Variants in NBEA observed in about 807,000 individuals in gnomAD.
The protein encoded by NBEA is lysosomal-trafficking regulator 2.
Under a neutral mutation model 343.4 loss-of-function variants are expected in NBEA, and 44 were observed. That is an observed-to-expected ratio of 0.13 (90% CI 0.10 to 0.16). The LOEUF (loss-of-function observed/expected upper bound fraction) is 0.16. Among genes scored for constraint, NBEA ranks in the 10% least tolerant of loss-of-function variants. The probability of loss-of-function intolerance (pLI) is 1.00; values close to 1 mark genes in which losing one functional copy is unlikely to be tolerated. For synonymous variants in NBEA, 1,175 were observed against 1,238.7 expected (o/e 0.95, Z 1.08); for missense variants, 2,555 against 3,631.3 (o/e 0.70, Z 7.62).
chr13:35,109,091 AT>A (rs1566297773), intron 11 of NBEA, among the ~76,000 whole-genome samples, 198 bp from the exon 12 acceptor site: 1 of 152,162 alleles, frequency 6.6e-6, no homozygotes, highest in Non-Finnish European at 1.5e-5. Context: ...CAGGCTTCAA[AT>A]AACAAGCTAT....
chr13:35,479,825 A>G (rs1286431400), intron 41 of NBEA, among the ~76,000 whole-genome samples: 4 of 152,094 alleles, frequency 2.6e-5, no homozygotes, highest in African/African-American at 7.2e-5. Context: ...GGATGTAAAT[A>G]CTTAATTGTT....
chr13:35,191,300 C>T (rs184868584), intron 30 of NBEA, among the ~76,000 whole-genome samples: 202 of 152,200 alleles, frequency 1.3e-3, no homozygotes, highest in African/African-American at 4.8e-3. Flanking sequence ...CTAAAAAGCT[C>T]AATGCACTCC....
rs141300031 is a variant in NBEA at position 35,433,373 on chromosome 13, A to G, written c.6304+980A>G. On this transcript the variant is annotated intron_variant, in intron 39 of 58. Transcript: ENST00000379939. ...TCTTCAATTACTTGTATTTTATTAT[A>G]TTAATTTTCTTTTATTTGGGAGTAC... is the stretch of plus-strand genomic sequence containing the variant. Among the ~76,000 whole-genome samples, 1,368 of 152,140 alleles carry G rather than the reference A, an allele frequency of 9.0e-3. 67 individuals are homozygous for G. The highest frequency in any genetic ancestry group is 0.078 in the Admixed American group (1,189 of 15,268).
intron 1 of NBEA, 125 bp downstream of exon 1, chr13:34,943,239 T>C (rs1370592101): frequency 7.7e-7 from 1 of 1,305,934 alleles, no homozygotes; most frequent in Admixed American, 1.9e-5. Context: ...GCGCAGAGCG[T>C]TCAGCCGGTA....
At chr13:35,527,189 A>T (rs1287594197) in intron 41 of NBEA, among the ~76,000 whole-genome samples, 2 of 152,068 alleles carry the variant, frequency 1.3e-5, no homozygotes, top group Non-Finnish European at 1.5e-5. Flanking sequence ...AGGTTATTTT[A>T]TGGGCTCAGA....
At chr13:35,043,705 T>C in intron 2 of NBEA, among the ~76,000 whole-genome samples, 1 of 152,020 alleles carries the variant, frequency 6.6e-6, no homozygotes, top group East Asian at 1.9e-4. Context: ...TATTTAATTA[T>C]TAATTGATTA....
intron 30 of NBEA, among the ~76,000 whole-genome samples, chr13:35,189,865 G>A (rs967748210): frequency 2.0e-5 from 3 of 151,956 alleles, no homozygotes; most frequent in Non-Finnish European, 4.4e-5. Flanking sequence ...CAACCCAGAG[G>A]CTGTTAATTC....
chr13:35,649,573 T>C, intron 51 of NBEA, 82 bp from the exon 52 acceptor site: 1 of 1,189,960 alleles, frequency 8.4e-7, no homozygotes, highest in South Asian at 1.4e-5. Context: ...CCTTGTCTGT[T>C]TAACCTCATT....
intron 10 of NBEA, among the ~76,000 whole-genome samples, chr13:35,097,162 G>A (rs1046822382): frequency 4.2e-4 from 64 of 151,756 alleles, no homozygotes; most frequent in Non-Finnish European, 7.1e-4. Flanking sequence ...AACAAAAGTA[G>A]CCACATTATG....
intron 36 of NBEA, among the ~76,000 whole-genome samples, chr13:35,343,998 T>G (rs1186076464): frequency 6.6e-6 from 1 of 152,078 alleles, no homozygotes; most frequent in Admixed American, 6.6e-5. Context: ...TAGTCCCTGG[T>G]GCCAAAAAGG....
rs117620224 is a variant in NBEA, at chr13:35,398,116, G to A, written c.6180-34153G>A. 2.4e-3 allele frequency among the ~76,000 whole-genome samples: 360 copies of A among 152,244 alleles called. 1 individual carries two copies. The highest frequency in any genetic ancestry group is 3.9e-3 in the Non-Finnish European group (263 of 68,000). On this transcript the variant is annotated intron_variant, in intron 38 of 58. Transcript: ENST00000379939. ...TGTTGTCATTTCAATAATGTTCACA[G>A]CATCTTCACCAGGAGGAAATTCCAT...
At position 35,159,603 on chromosome 13, in the gene NBEA, A is replaced by C. The variant is rs748920797; in HGVS notation, c.3432A>C (p.Thr1144=). 37 of 1,611,878 alleles carry C rather than the reference A, an allele frequency of 2.3e-5. No individual in the cohort carries two copies. The South Asian group carries it at 3.5e-4, about 15-fold the overall frequency. ...AAGAAGACCTTCCCAATAGTAGTAC[A>C]TCATTTCTCTTTGATAAAATACCCA... ...DEKEDLPNSS[T]SFLFDKIPKQ... Residue 1144 remains threonine (T), a synonymous_variant, in exon 22 of 59, where the codon ACA becomes ACC. Transcript: ENST00000379939.
chr13:35,131,434 A>C (rs2067421839), intron 17 of NBEA, among the ~76,000 whole-genome samples: 1 of 152,188 alleles, frequency 6.6e-6, no homozygotes. Context: ...CTATTTATTA[A>C]CAAAGGAGAA....
intron 1 of NBEA, among the ~76,000 whole-genome samples, chr13:34,976,673 G>T (rs1191677662): frequency 7.2e-4 from 98 of 136,852 alleles, no homozygotes; most frequent in Non-Finnish European, 9.6e-4. Flanking sequence ...TTTTTTTCAT[G>T]GAGCAGAGAC....
At position 34,978,593 on chromosome 13, in the gene NBEA, C is replaced by G. The variant is rs566897807; in HGVS notation, c.294+35479C>G. On this transcript the variant is annotated intron_variant, in intron 1 of 58. Transcript: ENST00000379939. ...AACATTATAGTCATCCCAGAGAGTTCCTCGTACTCCTTTCCAGTTAATCCC... is the reference window on the plus strand; with the variant it reads ...AACATTATAGTCATCCCAGAGAGTTGCTCGTACTCCTTTCCAGTTAATCCC... Among the ~76,000 whole-genome samples the G allele has an allele frequency of 5.3e-5, 8 of 152,238 alleles. No individual in the cohort carries two copies. The South Asian group carries it at 1.4e-3, about 28-fold the overall frequency.
intron 1 of NBEA, among the ~76,000 whole-genome samples, chr13:34,946,258 C>G (rs1220013844): frequency 1.3e-5 from 2 of 152,072 alleles, no homozygotes; most frequent in African/African-American, 4.8e-5. Flanking sequence ...AATTTAACTA[C>G]AGAGAAGAGA....
Position 35,547,323 on chromosome 13 carries a change from T to C in NBEA, c.6586-3154T>C, listed in dbSNP as rs1200425882. ...TAGCAAAATCATTTTCTTTTAATTT[T>C]GTTATCTCTCCTTGTCCTCTTTGCA... is the stretch of plus-strand genomic sequence containing the variant. On this transcript the variant is annotated intron_variant, in intron 41 of 58. Coordinates refer to ENST00000379939, the MANE Select transcript of NBEA (RefSeq NM_001385012.1). Among the ~76,000 whole-genome samples, 5 of 152,238 alleles carry C rather than the reference T, an allele frequency of 3.3e-5. No homozygotes were observed. In the East Asian group the frequency reaches 9.6e-4, roughly 29 times the overall value.
intron 41 of NBEA, among the ~76,000 whole-genome samples, chr13:35,524,754 C>T (rs922533230): frequency 9.9e-5 from 15 of 152,112 alleles, no homozygotes; most frequent in African/African-American, 3.4e-4. Context: ...ATTTATGTAT[C>T]ATAGAAAAGT....
intron 34 of NBEA, among the ~76,000 whole-genome samples, chr13:35,282,065 A>G (rs1486092473): frequency 2.0e-5 from 3 of 149,072 alleles, no homozygotes; most frequent in East Asian, 2.0e-4. Flanking sequence ...GGCGCCTGCT[A>G]CCACGCCCGG....
Sources: gnomAD v4.1 joint callset for allele counts (sites outside exome capture counted in the v4.1 genomes callset) on GRCh38, gnomAD v4.1.1 for gene constraint, MANE v1.5 for transcripts, NCBI Gene and HGNC (gene_info 2026-07-23, HGNC 2026-07-21) for gene names.